The following MYO1E variants were observed in gnomAD, a reference collection of about 807,000 sequenced individuals.
The protein encoded by MYO1E is unconventional myosin-Ie.
In MYO1E, 68 loss-of-function variants were observed where a neutral mutation model predicts 151.1. The observed-to-expected ratio is 0.45, with a 90% CI of 0.37 to 0.55. MYO1E has a LOEUF of 0.55. Ranked by LOEUF, MYO1E falls within the 20% of genes least tolerant of loss-of-function variation. The pLI, the probability that MYO1E is intolerant of heterozygous loss-of-function variation, is 0.00. For synonymous variants in MYO1E, 601 were observed against 501.7 expected, an observed-to-expected ratio of 1.20 and a Z score of -2.64; for missense variants, 1,363 against 1,389.3, an observed-to-expected ratio of 0.98 and a Z score of 0.30.
At chr15:59,251,871 A>G (rs2140367822) in intron 4 of MYO1E, among the ~76,000 whole-genome samples, 1 of 152,376 alleles carries the variant, frequency 6.6e-6, no homozygotes, top group East Asian at 1.9e-4. Flanking sequence ...ACTTTTATGA[A>G]ACCCAGTATT....
At chr15:59,228,370 C>T (rs1306606811) in intron 6 of MYO1E, among the ~76,000 whole-genome samples, 3 of 151,916 alleles carry the variant, frequency 2.0e-5, no homozygotes, top group Non-Finnish European at 4.4e-5. Context: ...GCAGTCCCAG[C>T]GAGGCAGGAG....
chr15:59,285,458 C>T (rs7180978), intron 1 of MYO1E, among the ~76,000 whole-genome samples: 83,830 of 149,646 alleles, frequency 0.56, 24,163 homozygotes, highest in Middle Eastern at 0.7. Context: ...CCCGGCTTCA[C>T]GCCATTCTCC....
At position 59,217,846 on chromosome 15, in the gene MYO1E, T is replaced by C. The variant is rs144686965; in HGVS notation, c.1107+45A>G. The C allele has an allele frequency of 5.9e-3, 9,421 of 1,602,120 alleles. 51 individuals carry two copies. The highest frequency in any genetic ancestry group is 0.011 in the South Asian group (966 of 90,820). ...CCCAGCCTACTAGTTTTACTCTTTATAGCTAAGATATGAAGCATCACCAGC... is the reference window on the plus strand; with the variant it reads ...CCCAGCCTACTAGTTTTACTCTTTACAGCTAAGATATGAAGCATCACCAGC... On this transcript the variant is annotated intron_variant, in intron 10 of 27. Transcript: ENST00000288235.
intron 26 of MYO1E, among the ~76,000 whole-genome samples, chr15:59,140,936 C>T (rs2079405204): frequency 6.6e-6 from 1 of 152,212 alleles, no homozygotes; most frequent in East Asian, 1.9e-4. Context: ...TTTGTAGGTT[C>T]TTAGTGTGAC....
intron 1 of MYO1E, among the ~76,000 whole-genome samples, chr15:59,324,139 G>A (rs190365375): frequency 1.7e-4 from 26 of 152,310 alleles, no homozygotes; most frequent in African/African-American, 6.3e-4. Context: ...GACAGAACGT[G>A]AGACAAGTAC....
At position 59,318,444 on chromosome 15, in the gene MYO1E, T is replaced by C. The variant is rs899562981; in HGVS notation, c.4-45995A>G. Among the ~76,000 whole-genome samples the C allele has an allele frequency of 6.6e-5, 10 of 152,150 alleles. No individual in the cohort carries two copies. In the South Asian group the frequency reaches 1.0e-3, roughly 16 times the overall value. On this transcript the variant is annotated intron_variant, in intron 1 of 27. Coordinates refer to ENST00000288235, the MANE Select transcript of MYO1E (RefSeq NM_004998.4). ...ACAAACTAGGTAGTGGTTTTTATAA[T>C]TGTCAAAGCAAGTGGTCATGAGAAC... is the stretch of plus-strand genomic sequence containing the variant.
intron 1 of MYO1E, among the ~76,000 whole-genome samples, chr15:59,331,969 G>C (rs2080700863): frequency 6.6e-6 from 1 of 152,208 alleles, no homozygotes; most frequent in African/African-American, 2.4e-5. Flanking sequence ...AGGGTAACGT[G>C]AGGCTACTAC....
At chr15:59,356,089 TAGG>T (rs2080851092) in intron 1 of MYO1E, among the ~76,000 whole-genome samples, 2 of 152,232 alleles carry the variant, frequency 1.3e-5, no homozygotes, top group South Asian at 2.1e-4. Context: ...TTCTGTTTTC[TAGG>T]AGAACTACCT....
chr15:59,184,705 T>A (rs1327876746), intron 18 of MYO1E, among the ~76,000 whole-genome samples: 3 of 152,222 alleles, frequency 2.0e-5, no homozygotes, highest in Non-Finnish European at 4.4e-5. Flanking sequence ...TGGATGCAGC[T>A]TACTTCCAAA....
intron 23 of MYO1E, 67 bp downstream of exon 23, chr15:59,163,090 C>T (rs1430983053): frequency 4.5e-6 from 7 of 1,567,944 alleles, no homozygotes; most frequent in African/African-American, 4.1e-5. Flanking sequence ...CATCCTGAAT[C>T]GCAGGGGTGC....
intron 4 of MYO1E, among the ~76,000 whole-genome samples, chr15:59,248,929 C>T (rs964024969): frequency 3.3e-5 from 5 of 152,128 alleles, no homozygotes; most frequent in African/African-American, 1.2e-4. Context: ...ATCGGCTGTC[C>T]ACAGGCAGAA....
intron 26 of MYO1E, 90 bp from the exon 27 acceptor site, chr15:59,138,457 C>G (rs2079387799): frequency 5.7e-6 from 8 of 1,413,346 alleles, no homozygotes; most frequent in Non-Finnish European, 7.9e-6. Flanking sequence ...CGGCACTGGC[C>G]TGTTCAAGTT....
At chr15:59,277,153 C>T (rs1318990951) in intron 1 of MYO1E, among the ~76,000 whole-genome samples, 1 of 152,208 alleles carries the variant, frequency 6.6e-6, no homozygotes, top group African/African-American at 2.4e-5. Context: ...CAAACTTCTA[C>T]AAAGAGTAAA....
At chr15:59,284,611 G>C (rs911949953) in intron 1 of MYO1E, among the ~76,000 whole-genome samples, 4 of 150,294 alleles carry the variant, frequency 2.7e-5, no homozygotes, top group African/African-American at 9.8e-5. Flanking sequence ...CACCATACCT[G>C]GCTGTGTTTC....
intron 4 of MYO1E, 64 bp downstream of exon 4, chr15:59,256,220 G>A (rs1273706397): frequency 1.1e-5 from 14 of 1,329,794 alleles, no homozygotes; most frequent in South Asian, 5.9e-5. Context: ...CTTATCGACC[G>A]AAATCCATAA....
At chr15:59,314,488 C>T (rs1258785012) in intron 1 of MYO1E, among the ~76,000 whole-genome samples, 2 of 152,140 alleles carry the variant, frequency 1.3e-5, no homozygotes, top group African/African-American at 4.8e-5. Flanking sequence ...TGGTTAATGC[C>T]ACCCTGCCAC....
Position 59,237,041 on chromosome 15 carries a change from A to G in MYO1E, c.333-369T>C, listed in dbSNP as rs143227271. 3.8e-3 allele frequency among the ~76,000 whole-genome samples: 574 copies of G among 152,362 alleles called. 1 individual carries two copies. The highest frequency in any genetic ancestry group is 0.013 in the African/African-American group (540 of 41,582). ...AGACTGTAAACACAGGAAACAAGCA[A>G]ATGAAATCATGTTAAGTGAAATAAG... On this transcript the variant is annotated intron_variant, in intron 4 of 27. Transcript: ENST00000288235.
intron 1 of MYO1E, among the ~76,000 whole-genome samples, chr15:59,354,626 G>C (rs1228146288): frequency 1.3e-5 from 2 of 152,104 alleles, no homozygotes; most frequent in African/African-American, 2.4e-5. Flanking sequence ...ATGGTGCCCA[G>C]GTGGGCACCA....
intron 22 of MYO1E, among the ~76,000 whole-genome samples, chr15:59,167,403 C>T (rs1310886726): frequency 2.6e-5 from 4 of 152,196 alleles, no homozygotes; most frequent in African/African-American, 9.6e-5. Context: ...AACTCAACAC[C>T]TACAATAGCA....
Sources: allele counts gnomAD v4.1 joint callset (sites outside exome capture counted in the v4.1 genomes callset), GRCh38; gene constraint gnomAD v4.1.1; transcripts MANE v1.5; gene names NCBI Gene and HGNC (gene_info 2026-07-23, HGNC 2026-07-21).